The following KCNIP3 variants were observed in gnomAD, a reference collection of about 807,000 sequenced individuals.
The protein encoded by KCNIP3 is potassium voltage-gated channel interacting protein 3, also known as calsenilin.
KCNIP3 carries 28 observed loss-of-function variants against 35.0 expected under a neutral mutation model. That is an observed-to-expected ratio of 0.80 (90% CI 0.59 to 1.10). The LOEUF is 1.10. Among genes scored for constraint, KCNIP3 ranks in the 50% least tolerant of loss-of-function variants. The probability of loss-of-function intolerance (pLI) is 0.00; values close to 1 mark genes in which losing one functional copy is unlikely to be tolerated. For synonymous variants in KCNIP3, 134 were observed against 133.8 expected (o/e 1.00, Z -0.01); for missense variants, 295 against 338.4 (o/e 0.87, Z 1.01).
chr2:95,359,908 C>T (rs145551383), intron 2 of KCNIP3, among the ~76,000 whole-genome samples: 18 of 152,352 alleles, frequency 1.2e-4, no homozygotes, highest in African/African-American at 4.3e-4. Context: ...GGCAGCAGGT[C>T]CTTGGAGGGG....
At chr2:95,302,776 G>A (rs951122803) in intron 1 of KCNIP3, among the ~76,000 whole-genome samples, 4 of 152,102 alleles carry the variant, frequency 2.6e-5, no homozygotes, top group Admixed American at 6.6e-5. Flanking sequence ...CACTGTCCTC[G>A]GCTGCTGGAA....
At chr2:95,367,758 ATTT>A (rs5832800) in intron 2 of KCNIP3, among the ~76,000 whole-genome samples, 5 of 131,784 alleles carry the variant, frequency 3.8e-5, no homozygotes, top group Non-Finnish European at 3.3e-5. Context: ...GTGACTTAAC[ATTT>A]TTTTTTTTTT....
chr2:95,306,176 T>A (rs1345966888), intron 1 of KCNIP3, among the ~76,000 whole-genome samples: 1 of 152,238 alleles, frequency 6.6e-6, no homozygotes, highest in Non-Finnish European at 1.5e-5. Flanking sequence ...TCTTTGGTTC[T>A]AGCTGTTCGG....
chr2:95,331,249 A>G (rs1678921010), intron 2 of KCNIP3, among the ~76,000 whole-genome samples: 1 of 152,118 alleles, frequency 6.6e-6, no homozygotes, highest in Non-Finnish European at 1.5e-5. Flanking sequence ...GGATTTGCAG[A>G]TGTCCTGGGT....
In KCNIP3 at chr2:95,376,327, C is replaced by T. The variant is rs751521761; in HGVS notation, c.447+1119C>T. Reference sequence around the variant, plus strand: ...TTAGGAAACGGTGTAAGGGAGCAGGCGGGGTGCGAGTGGTTTTTCTTGTTC... The same window carrying T: ...TTAGGAAACGGTGTAAGGGAGCAGGTGGGGTGCGAGTGGTTTTTCTTGTTC... On this transcript the variant is annotated intron_variant, in intron 5 of 8. Transcript: ENST00000295225. This position sits in a 1 kb window ranked among gnomAD's most constrained non-coding sequence, Gnocchi z 4.2. 1.4e-4 allele frequency among the ~76,000 whole-genome samples: 22 copies of T among 152,136 alleles called. No homozygotes were observed. The highest frequency in any genetic ancestry group is 2.6e-4 in the Admixed American group (4 of 15,282).
chr2:95,302,273 G>T (rs1678055788), intron 1 of KCNIP3, among the ~76,000 whole-genome samples: 1 of 152,218 alleles, frequency 6.6e-6, no homozygotes, highest in Non-Finnish European at 1.5e-5. Flanking sequence ...GAAAGGAAGG[G>T]GGTGAGAATC....
At chr2:95,340,964 C>T (rs1214934857) in intron 2 of KCNIP3, among the ~76,000 whole-genome samples, 1 of 152,180 alleles carries the variant, frequency 6.6e-6, no homozygotes, top group East Asian at 1.9e-4. Context: ...CCATAAGCCT[C>T]CCAGATTTCA....
intron 5 of KCNIP3, among the ~76,000 whole-genome samples, chr2:95,379,722 G>T (rs747357864): frequency 6.6e-6 from 1 of 152,178 alleles, no homozygotes; most frequent in Non-Finnish European, 1.5e-5. Context: ...GTTGGGGGTC[G>T]CTTCGTTCCC....
At chr2:95,337,704 C>T (rs1679092734) in intron 2 of KCNIP3, among the ~76,000 whole-genome samples, 1 of 152,224 alleles carries the variant, frequency 6.6e-6, no homozygotes, top group Non-Finnish European at 1.5e-5. Flanking sequence ...GGCTAAGTTA[C>T]TTGCCCAAGG....
chr2:95,327,822 C>T (rs773981183), intron 2 of KCNIP3, among the ~76,000 whole-genome samples: 2 of 152,256 alleles, frequency 1.3e-5, no homozygotes, highest in Non-Finnish European at 2.9e-5. Flanking sequence ...CGCAGCAGGA[C>T]TCAGCCCAGC....
intron 2 of KCNIP3, among the ~76,000 whole-genome samples, chr2:95,330,062 C>T (rs1205390946): frequency 2.0e-5 from 3 of 152,226 alleles, no homozygotes; most frequent in African/African-American, 4.8e-5. Context: ...CACCTCCGGC[C>T]GCAGCCACCG....
At chr2:95,330,496 C>G (rs963629589) in intron 2 of KCNIP3, among the ~76,000 whole-genome samples, 1 of 152,188 alleles carries the variant, frequency 6.6e-6, no homozygotes, top group Non-Finnish European at 1.5e-5. Flanking sequence ...GCCTCTCCCT[C>G]GAGGCCCAGT....
chr2:95,344,391 A>G lies in KCNIP3; in HGVS notation c.182-29905A>G, dbSNP rs1204543979. The stretch of plus-strand genomic sequence containing the variant: ...CTCAGTGGGCCTACGCTGGTGAGTG[A>G]GCCTGGGAGTCAGCTCCCCATCCAT... On this transcript the variant is annotated intron_variant, in intron 2 of 8. Coordinates refer to ENST00000295225, the MANE Select transcript of KCNIP3 (RefSeq NM_013434.5). Among the ~76,000 whole-genome samples the G allele has an allele frequency of 2.6e-5, 4 of 152,268 alleles. No homozygotes were observed. The East Asian group carries it at 7.7e-4, about 29-fold the overall frequency.
rs551640866 is a variant in KCNIP3 at position 95,356,818 on chromosome 2, C to T, written c.182-17478C>T. Among the ~76,000 whole-genome samples the T allele has an allele frequency of 9.2e-5, 14 of 152,310 alleles. No homozygotes were observed. In the Middle Eastern group the frequency reaches 0.017, roughly 185 times the overall value. On this transcript the variant is annotated intron_variant, in intron 2 of 8. Coordinates refer to ENST00000295225, the MANE Select transcript of KCNIP3 (RefSeq NM_013434.5). ...AGGAGGCACTTTTGGAGTGTACATT[C>T]GCTTTACTTCTTGCCCGAAATGACC...
chr2:95,378,610 G>A lies in KCNIP3; in HGVS notation c.448-2986G>A, dbSNP rs937912504. ...AAAAAAAAAAAATTAGCTGGGCATG[G>A]TGGCGGGTGCCTATAATTCCAGCTG... is the stretch of plus-strand genomic sequence containing the variant. On this transcript the variant is annotated intron_variant, in intron 5 of 8. Coordinates refer to ENST00000295225, the MANE Select transcript of KCNIP3 (RefSeq NM_013434.5). This position sits in a 1 kb window ranked among gnomAD's most constrained non-coding sequence, Gnocchi z 4.0. Among the ~76,000 whole-genome samples the A allele has an allele frequency of 1.3e-5, 2 of 151,696 alleles. No homozygotes were observed. The highest frequency in any genetic ancestry group is 2.9e-5 in the Non-Finnish European group (2 of 67,950).
Position 95,384,086 on chromosome 2 carries a change from C to A in KCNIP3, c.*37C>A. 1 of 1,602,368 alleles carries A rather than the reference C, an allele frequency of 6.2e-7. No homozygotes were observed. The highest frequency in any genetic ancestry group is 8.5e-7 in the Non-Finnish European group (1 of 1,169,596). ...AGGAGTGCATGGCCACAGCCACCTC[C>A]ACCCCCAAGAAACCTCCATCCTGCC... On this transcript the variant is annotated 3_prime_UTR_variant, in exon 9 of 9. Coordinates refer to ENST00000295225, the MANE Select transcript of KCNIP3 (RefSeq NM_013434.5).
At chr2:95,360,765 C>CAG (rs376282994) in intron 2 of KCNIP3, among the ~76,000 whole-genome samples, 32 of 150,256 alleles carry the variant, frequency 2.1e-4, no homozygotes, top group African/African-American at 5.3e-4. Flanking sequence ...GAGCGAGAGA[C>CAG]AGAGAGAGAG....
intron 2 of KCNIP3, among the ~76,000 whole-genome samples, chr2:95,358,793 G>A (rs1679720278): frequency 6.6e-6 from 1 of 152,202 alleles, no homozygotes; most frequent in Non-Finnish European, 1.5e-5. Flanking sequence ...AAGGGCACTA[G>A]TTCATTCATG....
At chr2:95,320,023 T>C (rs1052321763) in intron 2 of KCNIP3, among the ~76,000 whole-genome samples, 2 of 152,198 alleles carry the variant, frequency 1.3e-5, no homozygotes, top group African/African-American at 4.8e-5. Flanking sequence ...CTGGTCCACC[T>C]CTGAGTTCCT....
Sources: gnomAD v4.1 joint callset for allele counts (sites outside exome capture counted in the v4.1 genomes callset) on GRCh38, gnomAD v4.1.1 for gene constraint, Gnocchi (gnomAD v3.1) non-coding constraint, MANE v1.5 for transcripts, NCBI Gene and HGNC (gene_info 2026-07-23, HGNC 2026-07-21) for gene names.